Variants in ASIC2 observed in about 807,000 individuals in gnomAD.
The protein encoded by ASIC2 is acid sensing ion channel subunit 2.
ASIC2 carries 25 observed loss-of-function variants against 57.3 expected under a neutral mutation model. The ratio of observed to expected loss-of-function variants is 0.44; its 90% CI spans 0.32 to 0.61. The LOEUF is 0.61. Ranked by LOEUF, ASIC2 falls within the 20% of genes least tolerant of loss-of-function variation. The pLI, the probability that ASIC2 is intolerant of heterozygous loss-of-function variation, is 0.06. For missense variants in ASIC2, 641 were observed against 738.1 expected (o/e 0.87, Z 1.52); for synonymous variants, 319 against 307.5 (o/e 1.04, Z -0.39).
At chr17:33,935,446 T>C in intron 1 of ASIC2, 1 of 152,316 alleles carries the variant, frequency 6.6e-6, no homozygotes, top group Middle Eastern at 3.4e-3. Flanking sequence ...ATAACATTAA[T>C]AAACAATGCT....
At chr17:33,534,134 C>T (rs1408231003) in intron 1 of ASIC2, 1 of 152,116 alleles carries the variant, frequency 6.6e-6, no homozygotes, top group African/African-American at 2.4e-5. Flanking sequence ...AGCTCAGCTC[C>T]CAAGAAGGTT....
intron 1 of ASIC2, chr17:34,040,002 C>T (rs1279505393): frequency 1.2e-5 from 7 of 596,678 alleles, no homozygotes; most frequent in South Asian, 1.2e-4. Context: ...TCCTGAGCGC[C>T]GCAACCCCCC....
intron 1 of ASIC2, among the ~76,000 whole-genome samples, chr17:33,989,409 G>A (rs933058466): frequency 1.3e-5 from 2 of 152,040 alleles, no homozygotes; most frequent in Non-Finnish European, 2.9e-5. Flanking sequence ...TGGCCCATCT[G>A]GAAATGGACT....
At position 33,496,603 on chromosome 17, in the gene ASIC2, G is replaced by GTTTTTT. The variant is rs61267122; in HGVS notation, c.556-384542_556-384537dup. 3.9e-4 allele frequency among the ~76,000 whole-genome samples: 28 copies of GTTTTTT among 70,998 alleles called. 2 individuals carry two copies. The highest frequency in any genetic ancestry group is 9.5e-4 in the African/African-American group (15 of 15,806). 46.6% of individuals were successfully genotyped at this position (70,998 alleles called of 152,430 possible). A position where few individuals can be genotyped will look rare whatever the true frequency, so the allele number is the denominator to read the frequency against. On this transcript the variant is annotated intron_variant, in intron 1 of 9. Transcript: ENST00000359872. ...GCAGAAAAGGAAATAGTTATTGTAG[G>GTTTTTT]TTTTTTTTTTTTTTTTTTTTTTTTT...
chr17:33,098,703 A>C (rs1436540208), intron 2 of ASIC2, among the ~76,000 whole-genome samples: 1 of 152,158 alleles, frequency 6.6e-6, no homozygotes, highest in East Asian at 1.9e-4. Flanking sequence ...TGCAGCAAAA[A>C]CATGTTATAC....
intron 1 of ASIC2, among the ~76,000 whole-genome samples, chr17:34,067,129 T>C (rs1459999730): frequency 6.6e-6 from 1 of 152,248 alleles, no homozygotes; most frequent in Admixed American, 6.5e-5. Context: ...CACATTTCTT[T>C]GTATTTAATG....
intron 1 of ASIC2, among the ~76,000 whole-genome samples, chr17:33,721,616 T>G (rs1909391903): frequency 6.6e-6 from 1 of 152,188 alleles, no homozygotes; most frequent in African/African-American, 2.4e-5. Context: ...CTTTAACATT[T>G]TAAACACTGA....
chr17:33,681,857 G>A (rs1908010774), intron 1 of ASIC2, among the ~76,000 whole-genome samples: 1 of 152,124 alleles, frequency 6.6e-6, no homozygotes. Flanking sequence ...TTGAGGGCAG[G>A]AGACACACTC....
At chr17:33,744,772 G>A (rs934427639) in intron 1 of ASIC2, among the ~76,000 whole-genome samples, 17 of 152,164 alleles carry the variant, frequency 1.1e-4, no homozygotes, top group Non-Finnish European at 1.8e-4. Flanking sequence ...TTATACATAC[G>A]TTCAAATAAC....
chr17:33,784,904 AT>A (rs906459123), intron 1 of ASIC2, among the ~76,000 whole-genome samples: 42 of 151,868 alleles, frequency 2.8e-4, no homozygotes, highest in Admixed American at 5.2e-4. Flanking sequence ...GTACTTTATC[AT>A]TTTTTTTCCT....
rs756724305 is a variant in ASIC2 at position 34,156,573 on chromosome 17, G to A, written c.-41C>T. The A allele has an allele frequency of 2.1e-5, 32 of 1,528,982 alleles. No individual in the cohort carries two copies. The highest frequency in any genetic ancestry group is 2.7e-5 in the Non-Finnish European group (31 of 1,134,924). 94.7% of individuals were successfully genotyped at this position (1,528,982 alleles called of 1,614,324 possible). A position where few individuals can be genotyped will look rare whatever the true frequency, so the allele number is the denominator to read the frequency against. On this transcript the variant is annotated 5_prime_UTR_variant, in exon 1 of 10. Coordinates refer to the ASIC2 transcript ENST00000359872. The surrounding 1 kb of genome is among the most constrained non-coding windows in gnomAD (Gnocchi z 4.4). ...TTCCGCAACTGGCTTCAGGTTGATC[G>A]AATTTCAGAGAAGAGCTCCCAGTCC...
At chr17:33,733,983 C>T (rs1429395161) in intron 1 of ASIC2, among the ~76,000 whole-genome samples, 5 of 152,194 alleles carry the variant, frequency 3.3e-5, no homozygotes, top group African/African-American at 1.2e-4. Flanking sequence ...GATCTCATGA[C>T]TACTTCACAC....
intron 1 of ASIC2, among the ~76,000 whole-genome samples, chr17:33,344,096 T>C (rs1299132343): frequency 6.6e-6 from 1 of 152,214 alleles, no homozygotes; most frequent in Admixed American, 6.5e-5. Context: ...AAAATTGGGT[T>C]AATGTCCAAC....
At chr17:33,161,675 G>C (rs912798923) in intron 1 of ASIC2, among the ~76,000 whole-genome samples, 3 of 152,144 alleles carry the variant, frequency 2.0e-5, no homozygotes, top group African/African-American at 7.2e-5. Flanking sequence ...AACAGTGCCT[G>C]GCACATAGTA....
intron 1 of ASIC2, among the ~76,000 whole-genome samples, chr17:33,960,790 C>T (rs892670555): frequency 6.6e-6 from 1 of 152,332 alleles, no homozygotes; most frequent in South Asian, 2.1e-4. Flanking sequence ...ACTGCCAGGG[C>T]TCCACAGCAG....
At position 33,915,110 on chromosome 17, in the gene ASIC2, T is replaced by C. The variant is rs945518100; in HGVS notation, c.555+240868A>G. Among the ~76,000 whole-genome samples the C allele has an allele frequency of 2.0e-5, 3 of 152,284 alleles. No individual in the cohort carries two copies. The South Asian group carries it at 6.2e-4, about 32-fold the overall frequency. ...AGATAGATGTCAAGGGCATCAGCAA[T>C]GAAATTAAATGGCTCCATTTCCTTG... On this transcript the variant is annotated intron_variant, in intron 1 of 9. Coordinates refer to the ASIC2 transcript ENST00000359872.
At chr17:34,110,884 A>G (rs1455401533) in intron 1 of ASIC2, among the ~76,000 whole-genome samples, 1 of 152,110 alleles carries the variant, frequency 6.6e-6, no homozygotes, top group Non-Finnish European at 1.5e-5. Flanking sequence ...CTTCACTAGT[A>G]AAGGGCACAG....
intron 1 of ASIC2, among the ~76,000 whole-genome samples, chr17:33,998,140 G>A (rs991330627): frequency 3.9e-5 from 6 of 151,956 alleles, no homozygotes; most frequent in African/African-American, 1.2e-4. Flanking sequence ...TCCCTAGAAG[G>A]TTATTCATTT....
chr17:33,527,273 A>T (rs1017892578), intron 1 of ASIC2, among the ~76,000 whole-genome samples: 20 of 152,216 alleles, frequency 1.3e-4, no homozygotes, highest in African/African-American at 4.3e-4. Flanking sequence ...GGAAAGCCAG[A>T]ATCAGGGCCC....
Sources: gnomAD v4.1 joint callset for allele counts (sites outside exome capture counted in the v4.1 genomes callset) on GRCh38, gnomAD v4.1.1 for gene constraint, Gnocchi (gnomAD v3.1) non-coding constraint, MANE v1.5 for transcripts, NCBI Gene and HGNC (gene_info 2026-07-23, HGNC 2026-07-21) for gene names.